TUSC3: variants seen among roughly 807,000 people sequenced by gnomAD.
TUSC3 encodes tumor suppressor candidate 3, also known as dolichyl-diphosphooligosaccharide--protein glycosyltransferase subunit TUSC3.
In TUSC3, 45 loss-of-function variants were observed where a neutral mutation model predicts 44.8. The ratio of observed to expected loss-of-function variants is 1.00; its 90% CI spans 0.79 to 1.29. The LOEUF is 1.29. TUSC3 is among the 50% of genes most tolerant of loss of function. The pLI is 0.00. For missense variants in TUSC3, 519 were observed against 437.9 expected (o/e 1.19, Z -1.65); for synonymous variants, 212 against 152.9 (o/e 1.39, Z -2.85).
At chr8:15,814,726 C>T in the TUSC3 span, among the ~76,000 whole-genome samples, 1 of 152,066 alleles carries the variant, frequency 6.6e-6, no homozygotes, top group African/African-American at 2.4e-5. Flanking sequence ...CTTCAGCTGA[C>T]CTGTGGACTT....
chr8:15,785,703 T>C, the TUSC3 span, among the ~76,000 whole-genome samples: 1 of 152,254 alleles, frequency 6.6e-6, no homozygotes, highest in Non-Finnish European at 1.5e-5. Context: ...ACAATAAGGT[T>C]ATTAATGGGC....
chr8:15,617,359 C>T (rs1398394598), intron 1 of TUSC3, among the ~76,000 whole-genome samples: 1 of 151,720 alleles, frequency 6.6e-6, no homozygotes, highest in Non-Finnish European at 1.5e-5. Context: ...GGGGTGGTCT[C>T]GAACTCCTGA....
intron 1 of TUSC3, among the ~76,000 whole-genome samples, chr8:15,608,596 A>G (rs1044437947): frequency 6.6e-6 from 1 of 151,934 alleles, no homozygotes; most frequent in African/African-American, 2.4e-5. Flanking sequence ...ACCTGATGGG[A>G]GGTGATTGGA....
chr8:15,699,566 A>G (rs1027418067), intron 6 of TUSC3, among the ~76,000 whole-genome samples: 6 of 152,364 alleles, frequency 3.9e-5, no homozygotes, highest in South Asian at 2.1e-4. Flanking sequence ...AAAAGATTAT[A>G]TGCAGAAACT....
intron 1 of TUSC3, among the ~76,000 whole-genome samples, chr8:15,550,320 G>A (rs181508582): frequency 5.6e-4 from 85 of 151,790 alleles, no homozygotes; most frequent in African/African-American, 2.0e-3. Context: ...ATTCAGCTTG[G>A]CTTTCCATTG....
At chr8:15,669,995 T>TA (rs34401749) in intron 5 of TUSC3, among the ~76,000 whole-genome samples, 1 of 151,392 alleles carries the variant, frequency 6.6e-6, no homozygotes, top group Non-Finnish European at 1.5e-5. Context: ...TAATGCATCA[T>TA]AAAAAAAGGA....
At chr8:15,837,843 T>C in the TUSC3 span, among the ~76,000 whole-genome samples, 1 of 152,252 alleles carries the variant, frequency 6.6e-6, no homozygotes, top group Non-Finnish European at 1.5e-5. Flanking sequence ...TCTCTTCCTG[T>C]AGTATCTTGG....
intron 6 of TUSC3, among the ~76,000 whole-genome samples, chr8:15,687,258 A>G (rs753231509): frequency 6.6e-6 from 1 of 152,106 alleles, no homozygotes; most frequent in Non-Finnish European, 1.5e-5. Context: ...CAGATACATC[A>G]TGCAGCTCAT....
At chr8:15,740,793 A>C (rs1197385510) in intron 7 of TUSC3, among the ~76,000 whole-genome samples, 1 of 152,178 alleles carries the variant, frequency 6.6e-6, no homozygotes, top group South Asian at 2.1e-4. Context: ...TAGACCGTGG[A>C]GAAAATATTG....
intron 8 of TUSC3, among the ~76,000 whole-genome samples, chr8:15,747,913 A>G (rs772487028): frequency 5.9e-5 from 9 of 152,092 alleles, no homozygotes; most frequent in Non-Finnish European, 1.2e-4. Context: ...AAAACCTAAA[A>G]TTATTGCATA....
chr8:15,779,703 T>C, the TUSC3 span, among the ~76,000 whole-genome samples: 2 of 152,190 alleles, frequency 1.3e-5, 1 homozygote, highest in Non-Finnish European at 2.9e-5. Context: ...TAATTGCGTG[T>C]TTTTAAAAAG....
chr8:15,554,051 G>C (rs992734597), intron 1 of TUSC3, among the ~76,000 whole-genome samples: 1 of 151,628 alleles, frequency 6.6e-6, no homozygotes, highest in East Asian at 2.0e-4. Context: ...CCTCAGATCC[G>C]TGTCTGGTGA....
At chr8:15,563,268 C>CT (rs61522757) in intron 1 of TUSC3, among the ~76,000 whole-genome samples, 1,715 of 152,174 alleles carry the variant, frequency 0.011, 37 homozygotes, top group African/African-American at 0.04. Context: ...TGCAGGACCA[C>CT]TAGAAGGTGA....
In TUSC3 at chr8:15,653,380, A is replaced by T. The variant is rs917333901; in HGVS notation, c.426+2566A>T. ...TGGCAGTTAATTCATATTTTTTTTT[A>T]AAATCTTCTGTGATATTATTATCTT... On this transcript the variant is annotated intron_variant, in intron 3 of 10. Transcript: ENST00000503731. Among the ~76,000 whole-genome samples the T allele has an allele frequency of 1.1e-4, 16 of 151,998 alleles. No homozygotes were observed. In the East Asian group the frequency reaches 2.7e-3, roughly 26 times the overall value.
At chr8:15,519,796 A>G (rs1443873406) in intron 2 of TUSC3, among the ~76,000 whole-genome samples, 11 of 152,228 alleles carry the variant, frequency 7.2e-5, no homozygotes, top group Admixed American at 7.2e-4. Flanking sequence ...TATATTTACT[A>G]TCAAAGGCAA....
chr8:15,538,016 G>A (rs1335698317), upstream of TUSC3, among the ~76,000 whole-genome samples: 3 of 152,162 alleles, frequency 2.0e-5, no homozygotes, highest in Non-Finnish European at 2.9e-5. Context: ...GAGCTCTTAT[G>A]TACGCACATA....
At chr8:15,460,583 T>C (rs1800331960) in intron 1 of TUSC3, among the ~76,000 whole-genome samples, 1 of 152,220 alleles carries the variant, frequency 6.6e-6, no homozygotes. Flanking sequence ...TTTTGGGTTC[T>C]TGGTCATAAA....
intron 1 of TUSC3, among the ~76,000 whole-genome samples, chr8:15,429,325 C>G (rs1403462892): frequency 2.6e-5 from 4 of 151,708 alleles, no homozygotes; most frequent in Non-Finnish European, 5.9e-5. Flanking sequence ...TTCCATTGAT[C>G]TATATCTCTG....
intron 7 of TUSC3, among the ~76,000 whole-genome samples, chr8:15,731,920 G>A (rs1810741246): frequency 6.6e-6 from 1 of 152,130 alleles, no homozygotes; most frequent in African/African-American, 2.4e-5. Context: ...GTGGTATATA[G>A]TGATTACGGT....
Sources: gnomAD v4.1 joint callset for allele counts (sites outside exome capture counted in the v4.1 genomes callset) on GRCh38, gnomAD v4.1.1 for gene constraint, MANE v1.5 for transcripts, NCBI Gene and HGNC (gene_info 2026-07-23, HGNC 2026-07-21) for gene names.